The following JAKMIP2 variants were observed in gnomAD, a reference collection of about 807,000 sequenced individuals.
The protein encoded by JAKMIP2 is janus kinase and microtubule-interacting protein 2.
A neutral mutation model predicts 115.0 loss-of-function variants in JAKMIP2; 25 were observed. The observed-to-expected ratio is 0.22, with a 90% CI of 0.16 to 0.30. JAKMIP2 has a LOEUF of 0.30. Among genes scored for constraint, JAKMIP2 ranks in the 10% least tolerant of loss-of-function variants. The pLI is 1.00. For missense variants in JAKMIP2, 642 were observed against 957.6 expected, an observed-to-expected ratio of 0.67 and a Z score of 4.35; for synonymous variants, 334 against 343.6, an observed-to-expected ratio of 0.97 and a Z score of 0.31.
At chr5:147,662,164 A>G (rs1712969327) in intron 2 of JAKMIP2, among the ~76,000 whole-genome samples, 1 of 148,952 alleles carries the variant, frequency 6.7e-6, no homozygotes, top group Non-Finnish European at 1.5e-5. Flanking sequence ...CAAGTTTTAC[A>G]CACACACACA....
At chr5:147,703,235 C>T (rs761654478) in intron 1 of JAKMIP2, among the ~76,000 whole-genome samples, 20 of 152,124 alleles carry the variant, frequency 1.3e-4, no homozygotes, top group Non-Finnish European at 2.6e-4. Context: ...GCCCACTATA[C>T]ACCCAGGCTA....
At chr5:147,768,672 G>A (rs989577226) in intron 1 of JAKMIP2, among the ~76,000 whole-genome samples, 5 of 152,056 alleles carry the variant, frequency 3.3e-5, no homozygotes, top group African/African-American at 7.2e-5. Flanking sequence ...ATTACAATGC[G>A]TAATAAACAG....
At chr5:147,723,943 G>A (rs766308437) in intron 1 of JAKMIP2, among the ~76,000 whole-genome samples, 43 of 152,058 alleles carry the variant, frequency 2.8e-4, no homozygotes, top group Admixed American at 1.0e-3. Context: ...TTCACTGCCC[G>A]TGGGAAAGTA....
intron 5 of JAKMIP2, among the ~76,000 whole-genome samples, chr5:147,647,044 T>C (rs1758168382): frequency 6.6e-6 from 1 of 152,036 alleles, no homozygotes; most frequent in South Asian, 2.1e-4. Flanking sequence ...TTACAGAGTA[T>C]GCCTCCTTTT....
intron 1 of JAKMIP2, among the ~76,000 whole-genome samples, chr5:147,682,595 T>C (rs1760347032): frequency 2.0e-5 from 3 of 152,220 alleles, no homozygotes; most frequent in African/African-American, 7.2e-5. Context: ...TCATTGTACC[T>C]GTCAACAATG....
In JAKMIP2 at chr5:147,644,158, T is replaced by G; in HGVS notation, c.1124A>C (p.Lys375Thr). 1.9e-6 allele frequency: 3 copies of G among 1,605,270 alleles called. No individual in the cohort carries two copies. Among genetic ancestry groups the G allele is most frequent in the Non-Finnish European group, 2.6e-6 (3 of 1,173,992 alleles). The stretch of plus-strand genomic sequence containing the variant: ...AGCTTGGTCGAGGTCATTCAGAGAT[T>G]TTAATTTCTTCAGGGGTGGATGGGA... ...ITSHPPLKKL[K>T]SLNDLDQANE... Residue 375 changes from lysine to threonine, a missense_variant, in exon 7 of 22, where the codon AAA becomes ACA. Lys to Thr is a moderately conservative substitution (Grantham distance 78, BLOSUM62 -1). Coordinates refer to ENST00000616793, the MANE Select transcript of JAKMIP2 (RefSeq NM_001270941.2).
chr5:147,676,315 G>T (rs767708202), intron 1 of JAKMIP2, among the ~76,000 whole-genome samples: 18 of 152,160 alleles, frequency 1.2e-4, no homozygotes, highest in Non-Finnish European at 1.9e-4. Context: ...CAGCCTGGGC[G>T]ACAGAGCGAG....
At chr5:147,732,204 T>C (rs1753760764) in intron 1 of JAKMIP2, among the ~76,000 whole-genome samples, 1 of 152,210 alleles carries the variant, frequency 6.6e-6, no homozygotes, top group African/African-American at 2.4e-5. Flanking sequence ...TTCCAGTCTA[T>C]GTTTAGTGAA....
chr5:147,703,787 T>C (rs770696252), intron 1 of JAKMIP2, among the ~76,000 whole-genome samples: 67 of 152,054 alleles, frequency 4.4e-4, no homozygotes, highest in Non-Finnish European at 8.2e-4. Flanking sequence ...CTTCATAAAC[T>C]TTTTAATTTT....
chr5:147,691,051 C>T (rs778991290), intron 1 of JAKMIP2, among the ~76,000 whole-genome samples: 36 of 152,152 alleles, frequency 2.4e-4, no homozygotes, highest in African/African-American at 7.2e-4. Context: ...GTTAATGTGA[C>T]GGACTACTCC....
chr5:147,681,836 G>A (rs1760297463), intron 1 of JAKMIP2, among the ~76,000 whole-genome samples: 1 of 151,932 alleles, frequency 6.6e-6, no homozygotes, highest in Non-Finnish European at 1.5e-5. Flanking sequence ...GAGTCCAGGA[G>A]CTCCAGACCA....
chr5:147,604,800 TTTATTATTATTATTATTA>T lies in JAKMIP2; in HGVS notation c.2413-3007_2413-2990del, dbSNP rs145441560. On this transcript the variant is annotated intron_variant, in intron 20 of 21. Coordinates refer to ENST00000616793, the MANE Select transcript of JAKMIP2 (RefSeq NM_001270941.2). ...ATTCCTGGTGTCTTGGGCCAGACAT[TTTATTATTATTATTATTA>T]TTATTATTATTATTATTATTATTAT... Among the ~76,000 whole-genome samples the T allele has an allele frequency of 1.0e-3, 147 of 143,546 alleles. 2 individuals are homozygous for T. The highest frequency in any genetic ancestry group is 2.5e-3 in the African/African-American group (98 of 38,706). The allele number at this position is 143,546 out of a possible 152,430, so 94.2% of individuals were successfully genotyped here.
intron 8 of JAKMIP2, 73 bp downstream of exon 8, chr5:147,641,635 G>A: frequency 9.5e-7 from 1 of 1,050,054 alleles, no homozygotes; most frequent in Non-Finnish European, 1.5e-6. Flanking sequence ...CATCTTTGTA[G>A]GAAGATTCCA....
chr5:147,609,542 C>G (rs962387485), intron 20 of JAKMIP2, among the ~76,000 whole-genome samples: 3 of 152,162 alleles, frequency 2.0e-5, no homozygotes, highest in South Asian at 2.1e-4. Flanking sequence ...GCTGAGAGAT[C>G]CACTGTTAGT....
At chr5:147,760,853 C>G (rs1403842349) in intron 1 of JAKMIP2, among the ~76,000 whole-genome samples, 2 of 151,974 alleles carry the variant, frequency 1.3e-5, no homozygotes, top group Non-Finnish European at 2.9e-5. Flanking sequence ...CAAATAATTG[C>G]AGGAGGAAAG....
chr5:147,727,125 T>G (rs1753551177), intron 1 of JAKMIP2, among the ~76,000 whole-genome samples: 1 of 152,232 alleles, frequency 6.6e-6, no homozygotes, highest in African/African-American at 2.4e-5. Context: ...TACTTCTGGC[T>G]TCATTTCTTG....
intron 6 of JAKMIP2, among the ~76,000 whole-genome samples, 186 bp from the exon 7 acceptor site, chr5:147,644,384 G>A (rs140591279): frequency 9.9e-5 from 15 of 152,252 alleles, no homozygotes; most frequent in Non-Finnish European, 2.1e-4. Context: ...CATTATCATT[G>A]GGGATTGTCA....
intron 1 of JAKMIP2, among the ~76,000 whole-genome samples, chr5:147,706,741 G>C (rs1319629249): frequency 1.3e-5 from 2 of 151,998 alleles, no homozygotes; most frequent in African/African-American, 4.8e-5. Context: ...TTGGATTTCG[G>C]ATTTTTTGGA....
intron 21 of JAKMIP2, chr5:147,595,503 G>T (rs918800770): frequency 4.4e-6 from 2 of 455,612 alleles, no homozygotes; most frequent in Non-Finnish European, 8.8e-6. Context: ...CACCAAACCT[G>T]CTGGTGCCTC....
Sources: allele counts gnomAD v4.1 joint callset (sites outside exome capture counted in the v4.1 genomes callset), GRCh38; gene constraint gnomAD v4.1.1; transcripts MANE v1.5; gene names NCBI Gene and HGNC (gene_info 2026-07-23, HGNC 2026-07-21).